Variants in SORBS2 observed in about 807,000 individuals in gnomAD.
SORBS2 encodes sorbin and SH3 domain containing 2.
A neutral mutation model predicts 97.7 loss-of-function variants in SORBS2; 46 were observed. The ratio of observed to expected loss-of-function variants is 0.47; its 90% confidence interval spans 0.37 to 0.60. The LOEUF (loss-of-function observed/expected upper bound fraction) is 0.60. SORBS2 is among the 20% of genes least tolerant of loss of function. The pLI is 0.00. For missense variants in SORBS2, 1,316 were observed against 1,282.3 expected (o/e 1.03, Z -0.40); for synonymous variants, 476 against 473.4 (o/e 1.01, Z -0.07).
intron 2 of SORBS2, among the ~76,000 whole-genome samples, chr4:185,721,733 G>C (rs992433590): frequency 6.6e-6 from 1 of 152,182 alleles, no homozygotes; most frequent in African/African-American, 2.4e-5. Context: ...TGTTTTGCAC[G>C]CATTGGAAAG....
intron 2 of SORBS2, among the ~76,000 whole-genome samples, chr4:185,758,062 A>G (rs983276472): frequency 2.6e-5 from 4 of 152,236 alleles, no homozygotes; most frequent in Non-Finnish European, 4.4e-5. Context: ...GCTGCTGTTC[A>G]GAGCATTGCT....
At chr4:185,655,566 A>G (rs1444375446) in intron 1 of SORBS2, among the ~76,000 whole-genome samples, 1 of 152,248 alleles carries the variant, frequency 6.6e-6, no homozygotes, top group Non-Finnish European at 1.5e-5. Context: ...CATAAAAATT[A>G]CAGTTCCTTA....
intron 1 of SORBS2, among the ~76,000 whole-genome samples, chr4:185,921,317 T>C (rs2099260818): frequency 6.6e-6 from 1 of 152,226 alleles, no homozygotes; most frequent in Admixed American, 6.5e-5. Context: ...TGACAATCAC[T>C]GTAGGCTGTT....
intron 1 of SORBS2, among the ~76,000 whole-genome samples, chr4:185,928,416 A>G (rs944580010): frequency 2.6e-5 from 4 of 152,322 alleles, no homozygotes; most frequent in Non-Finnish European, 5.9e-5. Context: ...AAAGAAAAAA[A>G]GAAAACATAT....
chr4:185,864,410 C>T (rs188921953), intron 1 of SORBS2, among the ~76,000 whole-genome samples: 2 of 152,324 alleles, frequency 1.3e-5, no homozygotes, highest in African/African-American at 4.8e-5. Context: ...AAGACTTTTA[C>T]ATGCTGATTT....
intron 4 of SORBS2, among the ~76,000 whole-genome samples, chr4:185,670,107 T>C (rs1281610633): frequency 6.6e-6 from 1 of 151,910 alleles, no homozygotes; most frequent in African/African-American, 2.4e-5. Flanking sequence ...TAATCCCAGC[T>C]ACTCTGGAGG....
intron 2 of SORBS2, among the ~76,000 whole-genome samples, chr4:185,736,616 T>C (rs895966130): frequency 1.3e-5 from 2 of 152,204 alleles, no homozygotes; most frequent in African/African-American, 4.8e-5. Flanking sequence ...AGGCACAAGG[T>C]ATGTACTGTG....
chr4:185,647,064 G>A (rs886694613), intron 3 of SORBS2, among the ~76,000 whole-genome samples: 3 of 152,148 alleles, frequency 2.0e-5, no homozygotes, highest in Non-Finnish European at 4.4e-5. Context: ...TGAACTATGA[G>A]CATTTAACCC....
intron 9 of SORBS2, among the ~76,000 whole-genome samples, chr4:185,617,490 T>C (rs2096646975): frequency 6.6e-6 from 1 of 151,696 alleles, no homozygotes; most frequent in African/African-American, 2.4e-5. Flanking sequence ...TTAACTCATA[T>C]TATATGCATT....
intron 1 of SORBS2, among the ~76,000 whole-genome samples, chr4:185,869,662 T>C (rs1054696442): frequency 5.9e-5 from 9 of 152,238 alleles, no homozygotes; most frequent in Admixed American, 5.2e-4. Flanking sequence ...TGTTGTCATT[T>C]CTGATGCAAA....
At position 185,923,472 on chromosome 4, in the gene SORBS2, A is replaced by ATTTTTT. The variant is rs535695706; in HGVS notation, c.-338+32718_-338+32723dup. ...TGCTTGGCTAAGTTTCTTTTTTTTA[A>ATTTTTT]TTTTTTTTTTTTGTAGAGACAGGAC... On this transcript the variant is annotated intron_variant, in intron 1 of 20. Transcript: ENST00000284776. 9.4e-4 allele frequency among the ~76,000 whole-genome samples: 104 copies of ATTTTTT among 110,476 alleles called. 3 individuals carry two copies. In the East Asian group the frequency reaches 0.013, roughly 14 times the overall value. The allele number at this position is 110,476 out of a possible 152,430, so 72.5% of individuals were successfully genotyped here. A position where few individuals can be genotyped will look rare whatever the true frequency, so the allele number is the denominator to read the frequency against.
At chr4:185,747,205 G>C (rs948246364) in intron 2 of SORBS2, among the ~76,000 whole-genome samples, 2 of 152,184 alleles carry the variant, frequency 1.3e-5, no homozygotes, top group African/African-American at 4.8e-5. Context: ...AAGGAGGAAG[G>C]CTTCAGAAGA....
intron 4 of SORBS2, among the ~76,000 whole-genome samples, chr4:185,674,814 T>C (rs1378972911): frequency 6.6e-6 from 1 of 152,210 alleles, no homozygotes; most frequent in Non-Finnish European, 1.5e-5. Flanking sequence ...TTCAAAGCTG[T>C]TCTCTTTTCA....
intron 4 of SORBS2, among the ~76,000 whole-genome samples, chr4:185,667,299 G>C (rs1317299921): frequency 6.6e-6 from 1 of 152,110 alleles, no homozygotes; most frequent in African/African-American, 2.4e-5. Context: ...AAATGTTTAA[G>C]TTAAACAATT....
intron 1 of SORBS2, among the ~76,000 whole-genome samples, chr4:185,887,658 A>G (rs77809318): frequency 0.03 from 4,533 of 152,266 alleles, 217 homozygotes; most frequent in African/African-American, 0.1. Context: ...GTTATTCAAT[A>G]GTTTCAAGCA....
chr4:185,626,746 C>A (rs1290479457), intron 6 of SORBS2, 86 bp downstream of exon 18: 4 of 1,241,322 alleles, frequency 3.2e-6, no homozygotes, highest in Non-Finnish European at 2.4e-6. Flanking sequence ...CTGGCACATG[C>A]CACTATCACT....
intron 1 of SORBS2, among the ~76,000 whole-genome samples, chr4:185,954,495 G>A (rs1170497435): frequency 6.6e-6 from 1 of 151,934 alleles, no homozygotes; most frequent in Admixed American, 6.6e-5. Context: ...TAAATATTTT[G>A]AGAAACAAAA....
intron 1 of SORBS2, among the ~76,000 whole-genome samples, chr4:185,943,891 C>T (rs1036572297): frequency 2.0e-5 from 3 of 152,142 alleles, no homozygotes; most frequent in Admixed American, 6.5e-5. Context: ...CTTCAAAACA[C>T]ATGCCCGTGA....
chr4:185,869,939 T>A (rs1012684663), intron 1 of SORBS2, among the ~76,000 whole-genome samples: 3 of 152,200 alleles, frequency 2.0e-5, no homozygotes, highest in Non-Finnish European at 4.4e-5. Flanking sequence ...AATAAAATAT[T>A]CCCATAAGAT....
Sources: gnomAD v4.1 joint callset for allele counts (sites outside exome capture counted in the v4.1 genomes callset) on GRCh38, gnomAD v4.1.1 for gene constraint, MANE v1.5 for transcripts, NCBI Gene and HGNC (gene_info 2026-07-23, HGNC 2026-07-21) for gene names.